MYT1L: variants seen among roughly 807,000 people sequenced by gnomAD.
MYT1L encodes myelin transcription factor 1-like protein.
In MYT1L, 12 loss-of-function variants were observed where a neutral mutation model predicts 126.7. That is an observed-to-expected ratio of 0.09 (90% CI 0.06 to 0.15). The LOEUF (loss-of-function observed/expected upper bound fraction) is 0.15, where lower values mean the gene tolerates loss of function less well. MYT1L is among the 10% of genes least tolerant of loss of function. MYT1L has a pLI of 1.00. For missense variants in MYT1L, 979 were observed against 1,585.2 expected (o/e 0.62, Z 6.49); for synonymous variants, 541 against 604.2 (o/e 0.90, Z 1.53).
At chr2:2,225,727 T>G (rs1410250353) in intron 2 of MYT1L, among the ~76,000 whole-genome samples, 6 of 152,092 alleles carry the variant, frequency 3.9e-5, no homozygotes, top group Non-Finnish European at 8.8e-5. Context: ...GTACAACTGC[T>G]TAATTAGAGT....
At chr2:2,321,590 C>G (rs1490284694) in intron 1 of MYT1L, among the ~76,000 whole-genome samples, 1 of 152,110 alleles carries the variant, frequency 6.6e-6, no homozygotes, top group East Asian at 1.9e-4. Flanking sequence ...AAAAACCATT[C>G]TGTTGAGGGC....
chr2:2,242,948 T>G (rs1289497462), intron 2 of MYT1L, among the ~76,000 whole-genome samples: 1 of 152,100 alleles, frequency 6.6e-6, no homozygotes, highest in Non-Finnish European at 1.5e-5. Flanking sequence ...GAATAGGTTT[T>G]AGCAATGAAG....
intron 1 of MYT1L, among the ~76,000 whole-genome samples, chr2:2,312,860 G>A (rs563003681): frequency 6.6e-6 from 1 of 152,132 alleles, no homozygotes; most frequent in African/African-American, 2.4e-5. Flanking sequence ...GAAGAAAGGG[G>A]GGTTCTGGCC....
chr2:2,169,917 GGAT>G (rs1332219293), intron 3 of MYT1L, among the ~76,000 whole-genome samples: 3 of 152,202 alleles, frequency 2.0e-5, no homozygotes, highest in African/African-American at 4.8e-5. Flanking sequence ...ACAGTTTTCA[GGAT>G]GATATTTCTA....
Position 1,791,873 on chromosome 2 carries a change from C to G in MYT1L, c.3555G>C (p.Gln1185His). The G allele has an allele frequency of 6.2e-7, 1 of 1,600,700 alleles. No individual in the cohort carries two copies. Among genetic ancestry groups the G allele is most frequent in the Non-Finnish European group, 8.5e-7 (1 of 1,176,158 alleles). The change falls in exon 25 of 25, where the codon CAG (glutamine) becomes CAC (histidine). Residue 1185 changes from glutamine to histidine, a missense_variant. Gln to His is a conservative substitution (Grantham distance 24, BLOSUM62 0). Transcript: ENST00000647738. The surrounding 1 kb of genome is among the most constrained non-coding windows in gnomAD (Gnocchi z 6.0). ...TCATCACTACAGCAGCTGTTCAGAC[C>G]TGAATTCCTCTCACAGCCTGCTTTA... The part of the protein sequence containing the change: ...ENIKQAVRGI[Q>H]V
intron 2 of MYT1L, among the ~76,000 whole-genome samples, chr2:2,209,021 CACA>C (rs2093411414): frequency 1.6e-4 from 24 of 152,078 alleles, no homozygotes; most frequent in African/African-American, 4.8e-5. Context: ...CACACACACA[CACA>C]CCCCAAATAG....
chr2:2,174,652 T>G (rs757279277), intron 2 of MYT1L, among the ~76,000 whole-genome samples: 7 of 150,878 alleles, frequency 4.6e-5, no homozygotes, highest in Non-Finnish European at 7.4e-5. Context: ...TTTGACCTTT[T>G]TAACTGGGTC....
intron 2 of MYT1L, among the ~76,000 whole-genome samples, chr2:2,179,176 T>C (rs533266804): frequency 6.6e-6 from 1 of 152,108 alleles, no homozygotes; most frequent in Non-Finnish European, 1.5e-5. Context: ...GGCTCATCCA[T>C]CCACAGAGCT....
At chr2:2,234,999 ACTTTCC>A (rs987214207) in intron 2 of MYT1L, among the ~76,000 whole-genome samples, 8 of 151,216 alleles carry the variant, frequency 5.3e-5, no homozygotes, top group Non-Finnish European at 1.2e-4. Flanking sequence ...CCCCTTTTTC[ACTTTCC>A]CTTTCTTTCT....
intron 3 of MYT1L, among the ~76,000 whole-genome samples, chr2:2,169,791 C>G (rs1434684788): frequency 6.6e-6 from 1 of 152,104 alleles, no homozygotes; most frequent in Non-Finnish European, 1.5e-5. Flanking sequence ...CATCCCTCAC[C>G]CTTCCGGGAA....
chr2:2,063,400 T>C (rs915416176), intron 3 of MYT1L, among the ~76,000 whole-genome samples: 5 of 152,184 alleles, frequency 3.3e-5, no homozygotes, highest in Non-Finnish European at 7.3e-5. Flanking sequence ...GAAAGCCTCC[T>C]GGAAACCCTT....
chr2:2,174,594 G>A (rs1351474123), intron 2 of MYT1L, among the ~76,000 whole-genome samples: 1 of 150,616 alleles, frequency 6.6e-6, no homozygotes, highest in Non-Finnish European at 1.5e-5. Flanking sequence ...GTTTGATGAG[G>A]ATGAATGTGC....
chr2:2,173,185 T>C (rs1033165233), intron 2 of MYT1L, among the ~76,000 whole-genome samples, 197 bp from the exon 3 acceptor site: 5 of 152,208 alleles, frequency 3.3e-5, no homozygotes, highest in African/African-American at 1.2e-4. Flanking sequence ...CTAGAAGTAC[T>C]TTTTACACAT....
intron 2 of MYT1L, among the ~76,000 whole-genome samples, chr2:2,233,880 C>A (rs1200513982): frequency 6.6e-6 from 1 of 152,200 alleles, no homozygotes; most frequent in East Asian, 1.9e-4. Flanking sequence ...GGAGAAACAG[C>A]CACTGCTCAA....
At chr2:2,087,794 A>C (rs1332359040) in intron 3 of MYT1L, among the ~76,000 whole-genome samples, 1 of 152,218 alleles carries the variant, frequency 6.6e-6, no homozygotes, top group African/African-American at 2.4e-5. Flanking sequence ...AGAAAAAGGA[A>C]ACAAAAGACC....
intron 3 of MYT1L, among the ~76,000 whole-genome samples, chr2:2,130,562 T>C (rs1575381737): frequency 6.6e-6 from 1 of 152,052 alleles, no homozygotes; most frequent in Non-Finnish European, 1.5e-5. Flanking sequence ...GTGGAGTCAA[T>C]TCAGGCTAAA....
chr2:1,935,814 A>T (rs2055802180), intron 9 of MYT1L, among the ~76,000 whole-genome samples: 1 of 152,224 alleles, frequency 6.6e-6, no homozygotes, highest in Admixed American at 6.5e-5. Context: ...AGTGGACTTT[A>T]TAAGCAAATT....
chr2:1,955,074 C>T (rs912391764), intron 8 of MYT1L, among the ~76,000 whole-genome samples: 4 of 151,502 alleles, frequency 2.6e-5, no homozygotes, highest in African/African-American at 9.7e-5. Flanking sequence ...ATCTCTTGAA[C>T]CCAGGAGGCA....
intron 3 of MYT1L, among the ~76,000 whole-genome samples, chr2:2,160,970 A>C (rs1411881058): frequency 6.6e-6 from 1 of 152,150 alleles, no homozygotes; most frequent in Non-Finnish European, 1.5e-5. Context: ...TAATCCCAGC[A>C]CTTTGGGAGG....
Sources: gnomAD v4.1 joint callset for allele counts (sites outside exome capture counted in the v4.1 genomes callset) on GRCh38, gnomAD v4.1.1 for gene constraint, Gnocchi (gnomAD v3.1) non-coding constraint, MANE v1.5 for transcripts, NCBI Gene and HGNC (gene_info 2026-07-23, HGNC 2026-07-21) for gene names.